The following SLC35D1 variants were observed in gnomAD, a reference collection of about 807,000 sequenced individuals.
SLC35D1 encodes nucleotide sugar transporter SLC35D1.
In SLC35D1, 31 loss-of-function variants were observed where a neutral mutation model predicts 46.7. The ratio of observed to expected loss-of-function variants is 0.66; its 90% CI spans 0.50 to 0.90. The LOEUF (loss-of-function observed/expected upper bound fraction) is 0.90, where lower values mean the gene tolerates loss of function less well. Ranked by LOEUF, SLC35D1 falls within the 40% of genes least tolerant of loss-of-function variation. The pLI, the probability that SLC35D1 is intolerant of heterozygous loss-of-function variation, is 0.00. For missense variants in SLC35D1, 397 were observed against 426.2 expected (o/e 0.93, Z 0.60); for synonymous variants, 195 against 164.6 (o/e 1.18, Z -1.41).
At chr1:67,037,109 C>T (rs1668139352) in intron 8 of SLC35D1, among the ~76,000 whole-genome samples, 1 of 152,066 alleles carries the variant, frequency 6.6e-6, no homozygotes, top group Admixed American at 6.6e-5. Flanking sequence ...CACTTTTTAA[C>T]TTTCTATTGT....
In SLC35D1 at chr1:67,000,852, C is replaced by G. The variant is rs1667324845; in HGVS notation, c.*3488G>C. On this transcript the variant is annotated 3_prime_UTR_variant, in exon 12 of 12. Transcript: ENST00000235345. ...TAAGAGCTGTGTTGCTATCTCAGAG[C>G]TAGAAGATTAACTAATATGAGTTAC... 6.6e-6 allele frequency: 1 copy of G among 152,260 alleles called. No homozygotes were observed. Among genetic ancestry groups the G allele is most frequent in the Non-Finnish European group, 1.5e-5 (1 of 68,014 alleles). 9.4% of individuals were successfully genotyped at this position (152,260 alleles called of 1,614,324 possible).
At chr1:67,004,724 G>A (rs1248977152) in intron 11 of SLC35D1, among the ~76,000 whole-genome samples, 1 of 152,126 alleles carries the variant, frequency 6.6e-6, no homozygotes, top group African/African-American at 2.4e-5. Flanking sequence ...AAATGAACAT[G>A]AGTATGTATA....
At chr1:67,030,880 T>C (rs1324499759) in intron 8 of SLC35D1, among the ~76,000 whole-genome samples, 1 of 152,196 alleles carries the variant, frequency 6.6e-6, no homozygotes, top group African/African-American at 2.4e-5. Context: ...ACCAAGTGCT[T>C]CTGCATGTAT....
At chr1:67,034,454 T>C (rs536259737) in intron 8 of SLC35D1, among the ~76,000 whole-genome samples, 1 of 152,358 alleles carries the variant, frequency 6.6e-6, no homozygotes, top group African/African-American at 2.4e-5. Context: ...TTTGTAGCTA[T>C]TATAAATGTA....
downstream of SLC35D1, among the ~76,000 whole-genome samples, chr1:66,994,733 T>C (rs1312795668): frequency 2.0e-5 from 3 of 152,076 alleles, no homozygotes; most frequent in Admixed American, 6.5e-5. Flanking sequence ...TTTTAAATCT[T>C]AGTTGAGGAA....
chr1:67,031,454 C>T (rs1668015696), intron 8 of SLC35D1, among the ~76,000 whole-genome samples: 1 of 152,050 alleles, frequency 6.6e-6, no homozygotes, highest in South Asian at 2.1e-4. Context: ...TATTATGTAC[C>T]AGGCTCAGAA....
chr1:67,048,745 C>A (rs971923761), intron 6 of SLC35D1, among the ~76,000 whole-genome samples: 2 of 152,162 alleles, frequency 1.3e-5, no homozygotes, highest in African/African-American at 4.8e-5. Context: ...TAGAAGACTT[C>A]TAGCATCATT....
chr1:66,984,355 A>G, the SLC35D1 span, among the ~76,000 whole-genome samples: 1 of 152,214 alleles, frequency 6.6e-6, no homozygotes, highest in African/African-American at 2.4e-5. Context: ...AGGAATATCT[A>G]TTATGATCTT....
At chr1:67,013,157 G>GATAGATAGATAGATATATATATATATAT (rs1553264879) in intron 10 of SLC35D1, among the ~76,000 whole-genome samples, 4 of 29,834 alleles carry the variant, frequency 1.3e-4, no homozygotes, top group African/African-American at 1.8e-4. Context: ...ATATCCTGGA[G>GATAGATAGATAGATATATATATATATAT]ATATATATAT....
chr1:67,016,017 C>A (rs2102264145), intron 10 of SLC35D1, among the ~76,000 whole-genome samples: 1 of 151,814 alleles, frequency 6.6e-6, no homozygotes, highest in Middle Eastern at 3.4e-3. Flanking sequence ...GATAATAGGG[C>A]CCCTAGAAGT....
chr1:66,983,484 T>C, the SLC35D1 span, among the ~76,000 whole-genome samples: 1 of 152,310 alleles, frequency 6.6e-6, no homozygotes, highest in South Asian at 2.1e-4. Flanking sequence ...ATTTTACTTC[T>C]TATCACCAAA....
At chr1:67,025,597 A>G (rs1667900008) in intron 8 of SLC35D1, among the ~76,000 whole-genome samples, 1 of 152,240 alleles carries the variant, frequency 6.6e-6, no homozygotes, top group African/African-American at 2.4e-5. Flanking sequence ...CTGCTTGTCA[A>G]TATCTACAAA....
At chr1:67,034,611 T>C (rs1029121515) in intron 8 of SLC35D1, among the ~76,000 whole-genome samples, 1 of 152,174 alleles carries the variant, frequency 6.6e-6, no homozygotes, top group African/African-American at 2.4e-5. Context: ...TTTTTCTAAG[T>C]ACATGATCAT....
chr1:67,033,337 T>C, intron 8 of SLC35D1, among the ~76,000 whole-genome samples: 1 of 152,300 alleles, frequency 6.6e-6, no homozygotes, highest in South Asian at 2.1e-4. Context: ...TAATTTAGAT[T>C]CCCACCAAGA....
chr1:66,985,810 TA>T, the SLC35D1 span: 148 of 820,216 alleles, frequency 1.8e-4, no homozygotes, highest in Admixed American at 1.1e-3. Flanking sequence ...TAAAGGATTA[TA>T]AAATTTTTTT....
chr1:66,986,313 T>G, the SLC35D1 span: 1 of 1,520,564 alleles, frequency 6.6e-7, no homozygotes, highest in Non-Finnish European at 8.8e-7. Context: ...TGCTAAATTC[T>G]TGTTAAATAA....
At chr1:67,032,986 G>C (rs1397984413) in intron 8 of SLC35D1, among the ~76,000 whole-genome samples, 1 of 152,076 alleles carries the variant, frequency 6.6e-6, no homozygotes, top group East Asian at 1.9e-4. Flanking sequence ...AAATAAATGA[G>C]AACACGTGAA....
chr1:67,049,046 G>A (rs987156269), intron 6 of SLC35D1, among the ~76,000 whole-genome samples: 16 of 152,184 alleles, frequency 1.1e-4, no homozygotes, highest in African/African-American at 3.9e-4. Flanking sequence ...TGTAATCCCA[G>A]CACTTTGGGA....
chr1:67,001,910 A>G lies in SLC35D1; in HGVS notation c.*2430T>C, dbSNP rs1667348307. 1 of 152,368 alleles carries G rather than the reference A, an allele frequency of 6.6e-6. No individual in the cohort carries two copies. Among genetic ancestry groups the G allele is most frequent in the Non-Finnish European group, 1.5e-5 (1 of 68,070 alleles). The allele number at this position is 152,368 out of a possible 1,614,324, so 9.4% of individuals were successfully genotyped here. On this transcript the variant is annotated 3_prime_UTR_variant, in exon 12 of 12. Coordinates refer to ENST00000235345, the MANE Select transcript of SLC35D1 (RefSeq NM_015139.3). ...TAAGCCAGGGCTCCCAAGGCACAGA[A>G]GCCTGTCACGTGCATTTAGTGAAGC... is the stretch of plus-strand genomic sequence containing the variant.
Sources: allele counts gnomAD v4.1 joint callset (sites outside exome capture counted in the v4.1 genomes callset), GRCh38; gene constraint gnomAD v4.1.1; transcripts MANE v1.5; gene names NCBI Gene and HGNC (gene_info 2026-07-23, HGNC 2026-07-21).